Variants in PLET1 observed in about 807,000 individuals in gnomAD.
PLET1 encodes placenta expressed transcript 1.
Under a neutral mutation model 18.5 loss-of-function variants are expected in PLET1, and 20 were observed. The ratio of observed to expected loss-of-function variants is 1.08; its 90% confidence interval spans 0.76 to 1.57. PLET1 has a LOEUF of 1.57. Among genes scored for constraint, PLET1 ranks in the 40% most tolerant of loss-of-function variants. PLET1 has a pLI of 0.00. For synonymous variants in PLET1, 93 were observed against 93.8 expected (o/e 0.99, Z 0.05); for missense variants, 256 against 246.4 (o/e 1.04, Z -0.26).
chr11:112,260,278 G>T, intron 1 of PLET1, 128 bp downstream of exon 1: 1 of 937,112 alleles, frequency 1.1e-6, no homozygotes, highest in Non-Finnish European at 1.5e-6. Flanking sequence ...TCCTTCCCTT[G>T]CTTCCCATTT....
chr11:112,249,352 G>C lies in PLET1; in HGVS notation c.449-378C>G, dbSNP rs2564875. 4.4e-3 allele frequency among the ~76,000 whole-genome samples: 667 copies of C among 152,224 alleles called. 4 individuals carry two copies. Among genetic ancestry groups the C allele is most frequent in the Non-Finnish European group, 7.0e-3 (478 of 68,012 alleles). On this transcript the variant is annotated intron_variant, in intron 3 of 3. Transcript: ENST00000338832. ...GGTTAATCAGTGCAAATATGATCCAGAATGACACAATGTTATTTTCTTCTT... is the reference window on the plus strand; with the variant it reads ...GGTTAATCAGTGCAAATATGATCCACAATGACACAATGTTATTTTCTTCTT...
At chr11:112,258,504 G>A (rs970899844) in intron 1 of PLET1, among the ~76,000 whole-genome samples, 4 of 151,956 alleles carry the variant, frequency 2.6e-5, no homozygotes, top group Non-Finnish European at 5.9e-5. Context: ...GTCTGGTCTC[G>A]AACTCTTGAG....
intron 3 of PLET1, among the ~76,000 whole-genome samples, chr11:112,250,935 T>C (rs1860149157): frequency 6.6e-6 from 1 of 152,208 alleles, no homozygotes; most frequent in African/African-American, 2.4e-5. Context: ...TTAGGCATAA[T>C]CACTTTACAA....
In PLET1 at chr11:112,248,423, G is replaced by A. The variant is rs1860122479; in HGVS notation, c.*376C>T. The stretch of plus-strand genomic sequence containing the variant: ...AATCTGAGATCATCTTGAAAGTAAG[G>A]AAGGATTCTTCCCACAGAAACTCAG... On this transcript the variant is annotated 3_prime_UTR_variant, in exon 4 of 4. Transcript: ENST00000338832. The A allele has an allele frequency of 2.5e-6, 1 of 403,158 alleles. No individual in the cohort carries two copies. The highest frequency in any genetic ancestry group is 4.4e-6 in the Non-Finnish European group (1 of 229,586). The allele number at this position is 403,158 out of a possible 1,614,324, so 25.0% of individuals were successfully genotyped here.
chr11:112,249,825 C>G (rs772663236), intron 3 of PLET1, among the ~76,000 whole-genome samples: 2 of 151,876 alleles, frequency 1.3e-5, no homozygotes, highest in African/African-American at 2.4e-5. Context: ...GGTGTGGTGG[C>G]AGGGGCCTGT....
chr11:112,249,614 C>T (rs1860134273), intron 3 of PLET1, among the ~76,000 whole-genome samples: 1 of 152,098 alleles, frequency 6.6e-6, no homozygotes, highest in South Asian at 2.1e-4. Flanking sequence ...TGATCCTGGA[C>T]AAACTGGAGG....
intron 2 of PLET1, 150 bp from the exon 3 acceptor site, chr11:112,252,559 C>T: frequency 2.9e-6 from 2 of 691,744 alleles, no homozygotes; most frequent in Non-Finnish European, 4.9e-6. Flanking sequence ...TACTGGTCTG[C>T]TTTTGATTGA....
Position 112,248,932 on chromosome 11 carries a change from G to C in PLET1, c.491C>G (p.Ala164Gly), listed in dbSNP as rs1382365366. ...TGTAATCATGAAGAAAGGCTTGAAG[G>C]CTGAGCTCTGGGGAATCTTGGCAGC... ...ALAAKIPQSS[A>G]FKPFFMITPK... The change falls in exon 4 of 4, where the codon GCC becomes GGC. Residue 164 changes from alanine (A) to glycine (G), a missense_variant. Transcript: ENST00000338832. 5 of 1,551,112 alleles carry C rather than the reference G, an allele frequency of 3.2e-6. No homozygotes were observed. In the South Asian group the frequency reaches 4.8e-5, roughly 15 times the overall value.
chr11:112,256,245 A>G (rs1240303388), intron 1 of PLET1, among the ~76,000 whole-genome samples: 1 of 152,222 alleles, frequency 6.6e-6, no homozygotes, highest in Non-Finnish European at 1.5e-5. Context: ...GCATTTAAAG[A>G]AAATATCTGT....
Position 112,248,706 on chromosome 11 carries a change from T to C in PLET1, c.*93A>G. The C allele has an allele frequency of 7.3e-7, 1 of 1,377,158 alleles. No individual in the cohort carries two copies. Among genetic ancestry groups the C allele is most frequent in the African/African-American group, 1.5e-5 (1 of 68,706 alleles). The allele number at this position is 1,377,158 out of a possible 1,614,324, so 85.3% of individuals were successfully genotyped here. On this transcript the variant is annotated 3_prime_UTR_variant, in exon 4 of 4. Coordinates refer to ENST00000338832, the MANE Select transcript of PLET1 (RefSeq NM_001145024.1). ...GTTGCACATTTGAGAATGTAAAGCC[T>C]TCATTTACACACATTCGGTTCCCAG... is the stretch of plus-strand genomic sequence containing the variant.
intron 3 of PLET1, 120 bp from the exon 4 acceptor site, chr11:112,249,094 G>C: frequency 1.1e-6 from 1 of 933,158 alleles, no homozygotes; most frequent in South Asian, 1.7e-5. Context: ...CCAGATTCAT[G>C]AGCAAAATTC....
chr11:112,255,531 G>C lies in PLET1; in HGVS notation c.243C>G (p.Asn81Lys). ...TTTGCCAGAGGCCCGCTGAGTCACT[G>C]TTCTCGTCCAAGGTTTTCATGACCA... is the stretch of plus-strand genomic sequence containing the variant. The part of the protein sequence containing the change: ...YAVVMKTLDE[N>K]SDSAGLWQRA... The change falls in exon 2 of 4, where the codon AAC (asparagine) becomes AAG (lysine). Residue 81 changes from asparagine to lysine, a missense_variant. Transcript: ENST00000338832. 6.4e-7 allele frequency: 1 copy of C among 1,551,606 alleles called. No homozygotes were observed.
At chr11:112,250,720 C>A (rs758845028) in intron 3 of PLET1, among the ~76,000 whole-genome samples, 8 of 152,156 alleles carry the variant, frequency 5.3e-5, no homozygotes, top group Non-Finnish European at 7.4e-5. Context: ...TCTCTTTTCA[C>A]TACAGGCTGC....
chr11:112,250,220 CTTT>C (rs33963716), intron 3 of PLET1, among the ~76,000 whole-genome samples: 4 of 49,860 alleles, frequency 8.0e-5, no homozygotes, highest in African/African-American at 3.1e-4. Context: ...AGAAACAAAC[CTTT>C]TTTTTTTTTT....
intron 1 of PLET1, among the ~76,000 whole-genome samples, chr11:112,258,659 G>C (rs546288104): frequency 6.6e-5 from 10 of 152,246 alleles, no homozygotes; most frequent in East Asian, 3.9e-4. Flanking sequence ...CCAGAGGCTC[G>C]TGATCTCTTT....
chr11:112,252,268 T>A (rs941155588), intron 3 of PLET1, 80 bp downstream of exon 3: 52 of 1,318,512 alleles, frequency 3.9e-5, no homozygotes, highest in Non-Finnish European at 5.0e-5. Context: ...AGACCCTCTT[T>A]TCTAGGGAAC....
intron 2 of PLET1, among the ~76,000 whole-genome samples, chr11:112,254,405 T>TGG (rs1860190713): frequency 2.1e-5 from 3 of 145,062 alleles, no homozygotes; most frequent in Admixed American, 6.9e-5. Flanking sequence ...GGTACCTCTA[T>TGG]CGTGTGTGTA....
intron 1 of PLET1, among the ~76,000 whole-genome samples, chr11:112,258,250 T>C (rs1860245674): frequency 6.6e-6 from 1 of 151,368 alleles, no homozygotes. Flanking sequence ...TCCCCCTCCA[T>C]AGCATCTTCA....
At chr11:112,260,374 A>G in intron 1 of PLET1, 32 bp downstream of exon 1, 1 of 1,526,134 alleles carries the variant, frequency 6.6e-7, no homozygotes, top group Non-Finnish European at 8.9e-7. Flanking sequence ...CTCAGGGAAC[A>G]AAGGACAGCA....
Sources: allele counts gnomAD v4.1 joint callset (sites outside exome capture counted in the v4.1 genomes callset), GRCh38; gene constraint gnomAD v4.1.1; transcripts MANE v1.5; gene names NCBI Gene and HGNC (gene_info 2026-07-23, HGNC 2026-07-21).